MYLK4: variants seen among roughly 807,000 people sequenced by gnomAD.
The protein encoded by MYLK4 is myosin light chain kinase family member 4, also known as caMLCK like.
Under a neutral mutation model 48.1 loss-of-function variants are expected in MYLK4, and 46 were observed. That is an observed-to-expected ratio of 0.96 (90% CI 0.75 to 1.22). The LOEUF (loss-of-function observed/expected upper bound fraction) is 1.22. Ranked by LOEUF, MYLK4 falls within the 50% of genes most tolerant of loss-of-function variation. The probability of loss-of-function intolerance (pLI) is 0.00; values close to 1 mark genes in which losing one functional copy is unlikely to be tolerated. For synonymous variants in MYLK4, 170 were observed against 180.8 expected (o/e 0.94, Z 0.48); for missense variants, 451 against 486.1 (o/e 0.93, Z 0.68).
At chr6:2,763,432 T>G in the MYLK4 span, among the ~76,000 whole-genome samples, 29 of 152,196 alleles carry the variant, frequency 1.9e-4, no homozygotes, top group African/African-American at 7.0e-4. Flanking sequence ...AGTCCCCAGT[T>G]GGGGGGAGGC....
At chr6:2,753,564 GGAAAATGAAAAGACACTATTAT>G (rs1764348400), upstream of MYLK4, among the ~76,000 whole-genome samples, 2 of 152,020 alleles carry the variant, frequency 1.3e-5, no homozygotes, top group African/African-American at 4.8e-5. Context: ...AACACTATTA[GGAAAATGAAAAGACACTATTAT>G]GAAAATGAAA....
chr6:2,763,393 G>GC, the MYLK4 span, among the ~76,000 whole-genome samples: 1 of 152,214 alleles, frequency 6.6e-6, no homozygotes, highest in Non-Finnish European at 1.5e-5. Context: ...AGTAAGCAGC[G>GC]CTTCTCAGGG....
At chr6:2,692,635 A>C in intron 3 of MYLK4, 149 bp downstream of exon 3, 1 of 564,284 alleles carries the variant, frequency 1.8e-6, no homozygotes, top group Non-Finnish European at 2.8e-6. Context: ...CAAGCAAAAA[A>C]AAAAAAAGGG....
At chr6:2,690,160 G>A (rs6924542) in intron 3 of MYLK4, among the ~76,000 whole-genome samples, 2,798 of 152,312 alleles carry the variant, frequency 0.018, 76 homozygotes, top group African/African-American at 0.064. Flanking sequence ...GGGTCAGGCC[G>A]TCTTGCCCTC....
At chr6:2,682,707 G>A (rs1224188571) in intron 7 of MYLK4, among the ~76,000 whole-genome samples, 2 of 152,194 alleles carry the variant, frequency 1.3e-5, no homozygotes, top group East Asian at 1.9e-4. Context: ...GTCCTGATGA[G>A]AGGGCTACCA....
the MYLK4 span, among the ~76,000 whole-genome samples, chr6:2,763,027 A>G: frequency 6.6e-5 from 10 of 152,242 alleles, no homozygotes; most frequent in Non-Finnish European, 1.0e-4. Context: ...CTCCATCGCC[A>G]GCTCTAGCAG....
chr6:2,768,460 G>A, the MYLK4 span, among the ~76,000 whole-genome samples: 1 of 152,202 alleles, frequency 6.6e-6, no homozygotes, highest in Non-Finnish European at 1.5e-5. Context: ...GAGGAGAAAA[G>A]GTCAGGATTA....
intron 2 of MYLK4, among the ~76,000 whole-genome samples, chr6:2,730,875 A>G (rs2113324544): frequency 6.6e-6 from 1 of 152,280 alleles, no homozygotes; most frequent in South Asian, 2.1e-4. Flanking sequence ...GAAGGATGAA[A>G]GGGCCACTGT....
chr6:2,738,149 C>T (rs2113349273), intron 2 of MYLK4, among the ~76,000 whole-genome samples: 1 of 152,204 alleles, frequency 6.6e-6, no homozygotes, highest in South Asian at 2.1e-4. Flanking sequence ...TATAACTTCT[C>T]ATTATTAGGC....
At chr6:2,744,637 G>A (rs1169504168) in intron 2 of MYLK4, among the ~76,000 whole-genome samples, 2 of 152,134 alleles carry the variant, frequency 1.3e-5, no homozygotes, top group African/African-American at 4.8e-5. Flanking sequence ...CCAACCCACT[G>A]TCCCTCTGCA....
chr6:2,680,419 T>C, intron 7 of MYLK4, 128 bp from the exon 8 acceptor site: 1 of 1,541,570 alleles, frequency 6.5e-7, no homozygotes. Flanking sequence ...CGGGGCGGGC[T>C]TGTCCGTGTG....
intron 2 of MYLK4, among the ~76,000 whole-genome samples, chr6:2,717,344 T>TC (rs36088225): frequency 0.99 from 151,185 of 152,334 alleles, 75,040 homozygotes; most frequent in Middle Eastern, 1. Context: ...AAAATGAAAA[T>TC]CTGAAATATA....
intron 10 of MYLK4, among the ~76,000 whole-genome samples, chr6:2,675,920 G>A (rs148216372): frequency 0.014 from 2,196 of 151,886 alleles, 17 homozygotes; most frequent in Non-Finnish European, 0.024. Flanking sequence ...GTGAAACCCC[G>A]TCTCTACTAA....
chr6:2,686,460 A>G (rs1227669910), intron 4 of MYLK4, among the ~76,000 whole-genome samples: 3 of 152,270 alleles, frequency 2.0e-5, no homozygotes, highest in Non-Finnish European at 2.9e-5. Flanking sequence ...AATCACATAC[A>G]GATGTGCACA....
chr6:2,745,467 C>T (rs1023781527), intron 2 of MYLK4, among the ~76,000 whole-genome samples: 2 of 152,194 alleles, frequency 1.3e-5, no homozygotes, highest in African/African-American at 2.4e-5. Flanking sequence ...TTGATTTCAA[C>T]ACCACACCGT....
chr6:2,768,584 C>A, the MYLK4 span: 1 of 891,720 alleles, frequency 1.1e-6, no homozygotes, highest in Non-Finnish European at 1.6e-6. Context: ...CTTCCGAGGT[C>A]AAGTTGCTTT....
At chr6:2,745,592 G>A (rs1435377362) in intron 2 of MYLK4, among the ~76,000 whole-genome samples, 1 of 152,114 alleles carries the variant, frequency 6.6e-6, no homozygotes, top group Non-Finnish European at 1.5e-5. Flanking sequence ...GAACATAATA[G>A]AATAAGAAAA....
Position 2,670,954 on chromosome 6 carries a change from A to C in MYLK4, c.*25+322T>G, listed in dbSNP as rs1760864972. Among the ~76,000 whole-genome samples the C allele has an allele frequency of 2.0e-5, 3 of 151,874 alleles. No individual in the cohort carries two copies. In the South Asian group the frequency reaches 6.3e-4, roughly 32 times the overall value. ...TCGTAAGGACTACCCCTAGACGGTT[A>C]CCAGCACCCCCTGGGCTGGTTATTG... is the stretch of plus-strand genomic sequence containing the variant. On this transcript the variant is annotated intron_variant, in intron 12 of 12. Transcript: ENST00000274643.
At chr6:2,699,294 T>TC (rs1762194613) in intron 2 of MYLK4, among the ~76,000 whole-genome samples, 1 of 120,354 alleles carries the variant, frequency 8.3e-6, no homozygotes, top group African/African-American at 3.3e-5. Context: ...TTTCTTTTTT[T>TC]TTTTTTTTTT....
Sources: gnomAD v4.1 joint callset for allele counts (sites outside exome capture counted in the v4.1 genomes callset) on GRCh38, gnomAD v4.1.1 for gene constraint, MANE v1.5 for transcripts, NCBI Gene and HGNC (gene_info 2026-07-23, HGNC 2026-07-21) for gene names.